ITPK1: variants seen among roughly 807,000 people sequenced by gnomAD.
ITPK1 encodes inositol 1,3,4-trisphosphate 5/6-kinase.
ITPK1 carries 21 observed loss-of-function variants against 45.3 expected under a neutral mutation model. That is an observed-to-expected ratio of 0.46 (90% CI 0.33 to 0.67). ITPK1 has a LOEUF of 0.67. Ranked by LOEUF, ITPK1 falls within the 30% of genes least tolerant of loss-of-function variation. The probability of loss-of-function intolerance (pLI) is 0.02; values close to 1 mark genes in which losing one functional copy is unlikely to be tolerated. For missense variants in ITPK1, 474 were observed against 573.5 expected, an observed-to-expected ratio of 0.83 and a Z score of 1.77; for synonymous variants, 258 against 253.6, an observed-to-expected ratio of 1.02 and a Z score of -0.16.
rs1156425047 is a variant in ITPK1, at chr14:92,938,675, G to A, written c.*2886C>T. 3.0e-6 allele frequency: 2 copies of A among 669,998 alleles called. No individual in the cohort carries two copies. Among genetic ancestry groups the A allele is most frequent in the East Asian group, 5.4e-5 (2 of 36,854 alleles). 41.5% of individuals were successfully genotyped at this position (669,998 alleles called of 1,614,324 possible). ...CGCCGGCCATGCTGGGTGACTGCAG[G>A]CCCAGCCCACCCACCACGTGTGGAC... On this transcript the variant is annotated 3_prime_UTR_variant, in exon 11 of 11. Transcript: ENST00000267615.
chr14:92,950,712 T>C (rs1887918459), intron 9 of ITPK1, among the ~76,000 whole-genome samples: 1 of 152,304 alleles, frequency 6.6e-6, no homozygotes, highest in African/African-American at 2.4e-5. Context: ...ATCCCCTCCA[T>C]TGCATGGGCT....
At chr14:93,017,907 C>A (rs1336762860) in intron 3 of ITPK1, among the ~76,000 whole-genome samples, 1 of 152,240 alleles carries the variant, frequency 6.6e-6, no homozygotes, top group African/African-American at 2.4e-5. Flanking sequence ...AGTGATTTTA[C>A]GAATGAGAAA....
At chr14:93,109,035 A>C (rs1390866197) in intron 2 of ITPK1, among the ~76,000 whole-genome samples, 1 of 152,174 alleles carries the variant, frequency 6.6e-6, no homozygotes, top group Non-Finnish European at 1.5e-5. Context: ...AAAAAGTATG[A>C]AAAAGTAAAA....
chr14:92,985,763 A>G (rs758140669), intron 5 of ITPK1, among the ~76,000 whole-genome samples: 2 of 152,030 alleles, frequency 1.3e-5, no homozygotes, highest in Non-Finnish European at 2.9e-5. Context: ...AAGTTGAGAA[A>G]CACAGGACTC....
rs1208586363 is a variant in ITPK1 at position 93,076,488 on chromosome 14, G to A, written c.120+107C>T. 9 of 1,293,704 alleles carry A rather than the reference G, an allele frequency of 7.0e-6. No individual in the cohort carries two copies. The East Asian group carries it at 1.4e-4, about 20-fold the overall frequency. The allele number at this position is 1,293,704 out of a possible 1,614,324, so 80.1% of individuals were successfully genotyped here. A position where few individuals can be genotyped will look rare whatever the true frequency, so the allele number is the denominator to read the frequency against. ...GAGCTAAAAACAAGCTGCACGTGAAGAAGAGAGAAAGCCGTGCCCAATGCT... is the reference window on the plus strand; with the variant it reads ...GAGCTAAAAACAAGCTGCACGTGAAAAAGAGAGAAAGCCGTGCCCAATGCT... On this transcript the variant is annotated intron_variant, in intron 3 of 10. Transcript: ENST00000267615. This position sits in a 1 kb window ranked among gnomAD's most constrained non-coding sequence, Gnocchi z 4.3.
At chr14:93,070,045 T>C (rs193187834) in intron 3 of ITPK1, 1 of 152,364 alleles carries the variant, frequency 6.6e-6, no homozygotes, top group African/African-American at 2.4e-5. Flanking sequence ...AATCTCTAAC[T>C]GGCTGCTGCA....
At chr14:93,007,077 G>C (rs577055330) in intron 4 of ITPK1, among the ~76,000 whole-genome samples, 1 of 147,668 alleles carries the variant, frequency 6.8e-6, no homozygotes, top group Non-Finnish European at 1.5e-5. Context: ...GAGCTGGAAG[G>C]GGTCGGTCAT....
At chr14:93,013,373 A>C (rs1234793754) in intron 4 of ITPK1, among the ~76,000 whole-genome samples, 1 of 152,184 alleles carries the variant, frequency 6.6e-6, no homozygotes, top group Non-Finnish European at 1.5e-5. Flanking sequence ...TTCTGCAGTA[A>C]GCCTCTGGCC....
At chr14:93,110,723 A>G (rs1241596518) in intron 2 of ITPK1, among the ~76,000 whole-genome samples, 4 of 152,206 alleles carry the variant, frequency 2.6e-5, no homozygotes, top group Admixed American at 6.5e-5. Flanking sequence ...CCCTGGTGGG[A>G]TACCAAGGTC....
At chr14:92,963,895 G>A (rs1485031044) in intron 5 of ITPK1, among the ~76,000 whole-genome samples, 2 of 152,218 alleles carry the variant, frequency 1.3e-5, no homozygotes, top group African/African-American at 4.8e-5. Context: ...GGCCAGGAAA[G>A]GCTGAGTGTG....
At chr14:92,979,044 G>A (rs1271891921) in intron 5 of ITPK1, among the ~76,000 whole-genome samples, 1 of 152,166 alleles carries the variant, frequency 6.6e-6, no homozygotes, top group African/African-American at 2.4e-5. Flanking sequence ...GAGCCACAGG[G>A]GTGGAGCTGC....
chr14:93,075,105 T>A (rs1206771025), intron 3 of ITPK1, among the ~76,000 whole-genome samples: 1 of 151,870 alleles, frequency 6.6e-6, no homozygotes, highest in Non-Finnish European at 1.5e-5. Flanking sequence ...GGTGGGTGGA[T>A]CACCTGAGGT....
intron 4 of ITPK1, among the ~76,000 whole-genome samples, chr14:93,007,778 C>T (rs1398362655): frequency 1.3e-5 from 2 of 152,228 alleles, no homozygotes; most frequent in Non-Finnish European, 1.5e-5. Flanking sequence ...TGGCTGCGGG[C>T]ATGCTCAGAA....
chr14:92,977,274 C>T (rs1885993972), intron 5 of ITPK1, among the ~76,000 whole-genome samples: 1 of 152,256 alleles, frequency 6.6e-6, no homozygotes, highest in South Asian at 2.1e-4. Flanking sequence ...GATCACCTTA[C>T]AGAGCCTATC....
chr14:93,097,242 C>T (rs995310293), intron 2 of ITPK1, among the ~76,000 whole-genome samples: 13 of 152,204 alleles, frequency 8.5e-5, no homozygotes, highest in African/African-American at 1.7e-4. Flanking sequence ...TTGACACCTC[C>T]GCCAAGGGGT....
intron 3 of ITPK1, among the ~76,000 whole-genome samples, chr14:93,046,333 C>T (rs1889770245): frequency 6.6e-6 from 1 of 152,214 alleles, no homozygotes; most frequent in African/African-American, 2.4e-5. Flanking sequence ...AGAGAAACAG[C>T]GCTAGCCCGG....
intron 5 of ITPK1, among the ~76,000 whole-genome samples, chr14:92,988,243 T>G (rs190925240): frequency 1.2e-4 from 19 of 152,272 alleles, no homozygotes; most frequent in African/African-American, 4.6e-4. Flanking sequence ...CCCTGTGGTC[T>G]GGGCAGGCTG....
intron 4 of ITPK1, among the ~76,000 whole-genome samples, chr14:93,000,704 C>T (rs910273141): frequency 6.6e-6 from 1 of 152,198 alleles, no homozygotes; most frequent in East Asian, 1.9e-4. Flanking sequence ...CTGTGGCTCG[C>T]GGTGGCTTGC....
rs1566746095 is a variant in ITPK1, at chr14:93,032,394, C to T, written c.121-15593G>A. On this transcript the variant is annotated intron_variant, in intron 3 of 10. Coordinates refer to ENST00000267615, the MANE Select transcript of ITPK1 (RefSeq NM_014216.6). The surrounding 1 kb of genome is among the most constrained non-coding windows in gnomAD (Gnocchi z 4.0). ...AATAAAGCATTAACAACCTTTTAAA[C>T]ATCACATGAAAAGGGGAAGTTCAGT... Among the ~76,000 whole-genome samples the T allele has an allele frequency of 6.6e-6, 1 of 152,090 alleles. No homozygotes were observed. The highest frequency in any genetic ancestry group is 6.5e-5 in the Admixed American group (1 of 15,272).
Sources: allele counts gnomAD v4.1 joint callset (sites outside exome capture counted in the v4.1 genomes callset), GRCh38; gene constraint gnomAD v4.1.1; non-coding constraint Gnocchi (gnomAD v3.1); transcripts MANE v1.5; gene names NCBI Gene and HGNC (gene_info 2026-07-23, HGNC 2026-07-21).